Variants in SETD1A observed in about 807,000 individuals in gnomAD.
The protein encoded by SETD1A is histone-lysine N-methyltransferase SETD1A.
In SETD1A, 29 loss-of-function variants were observed where a neutral mutation model predicts 149.9. The ratio of observed to expected loss-of-function variants is 0.19; its 90% CI spans 0.14 to 0.26. The LOEUF is 0.26. SETD1A is among the 10% of genes least tolerant of loss of function. SETD1A has a pLI of 1.00. For missense variants in SETD1A, 2,109 were observed against 2,353.1 expected, an observed-to-expected ratio of 0.90 and a Z score of 2.15; for synonymous variants, 1,141 against 968.5, an observed-to-expected ratio of 1.18 and a Z score of -3.31.
chr16:30,968,662 G>A (rs565506765), intron 10 of SETD1A, among the ~76,000 whole-genome samples: 123 of 151,920 alleles, frequency 8.1e-4, no homozygotes, highest in African/African-American at 2.8e-3. Flanking sequence ...TTAGCCAGGC[G>A]TGGTGGCGGG....
chr16:30,961,103 A>G lies in SETD1A; in HGVS notation c.247-164A>G, dbSNP rs926090048. Among the ~76,000 whole-genome samples, 2 of 152,040 alleles carry G rather than the reference A, an allele frequency of 1.3e-5. No individual in the cohort carries two copies. The highest frequency in any genetic ancestry group is 2.9e-5 in the Non-Finnish European group (2 of 68,012). On this transcript the variant is annotated intron_variant, in intron 3 of 18. Transcript: ENST00000262519. This position sits in a 1 kb window ranked among gnomAD's most constrained non-coding sequence, Gnocchi z 4.0. The stretch of plus-strand genomic sequence containing the variant: ...ATTCTGTGGTGAGAAGAATTCAGGG[A>G]AAAGGGGTCAGGTCTGATGGATCCC...
chr16:30,981,488 C>T (rs1389843568), intron 17 of SETD1A, among the ~76,000 whole-genome samples: 1 of 152,210 alleles, frequency 6.6e-6, no homozygotes, highest in Non-Finnish European at 1.5e-5. Context: ...GATTCTCCTG[C>T]CTCAGCCTCC....
chr16:30,963,563 T>C lies in SETD1A; in HGVS notation c.639+9T>C. ...GTGCAGCCACTGAGACGGTGAGAAG[T>C]TTGTGGCTACCACAGCCCCTAGCCA... On this transcript the variant is annotated intron_variant, in intron 5 of 18. Coordinates refer to ENST00000262519, the MANE Select transcript of SETD1A (RefSeq NM_014712.3). 6.2e-7 allele frequency: 1 copy of C among 1,609,142 alleles called. No individual in the cohort carries two copies. The highest frequency in any genetic ancestry group is 8.5e-7 in the Non-Finnish European group (1 of 1,177,740).
In SETD1A at chr16:30,980,954, T is replaced by TG; in HGVS notation, c.4693-101dup. Reference sequence around the variant, plus strand: ...CTCCTGTGGTTCCCTCGGGTGGAGTTGGGGGGTAAGCAGCCAGAACACCCT... The same window carrying TG: ...CTCCTGTGGTTCCCTCGGGTGGAGTTGGGGGGGTAAGCAGCCAGAACACCCT... On this transcript the variant is annotated intron_variant, in intron 16 of 18. Coordinates refer to ENST00000262519, the MANE Select transcript of SETD1A (RefSeq NM_014712.3). This position sits in a 1 kb window ranked among gnomAD's most constrained non-coding sequence, Gnocchi z 7.7. The TG allele has an allele frequency of 8.9e-6, 14 of 1,575,114 alleles. 1 individual carries two copies. The South Asian group carries it at 1.2e-4, about 13-fold the overall frequency.
intron 12 of SETD1A, 99 bp downstream of exon 12, chr16:30,969,788 G>C: frequency 4.2e-6 from 4 of 947,642 alleles, no homozygotes; most frequent in Non-Finnish European, 6.9e-6. Context: ...TGCTGGGCTT[G>C]TGGGTCACCT....
At chr16:30,958,976 G>C (rs1024106560) in intron 2 of SETD1A, 95 bp downstream of exon 2, 5 of 1,529,894 alleles carry the variant, frequency 3.3e-6, no homozygotes, top group Non-Finnish European at 4.5e-6. Flanking sequence ...CTGCCTTCTT[G>C]AAAGTGGGCA....
intron 13 of SETD1A, among the ~76,000 whole-genome samples, chr16:30,974,383 AGG>A (rs2056259538): frequency 6.6e-6 from 1 of 152,076 alleles, no homozygotes; most frequent in Non-Finnish European, 1.5e-5. Context: ...CTATAGACCC[AGG>A]TAGGCGAGTG....
chr16:30,972,539 G>C (rs370278146), intron 13 of SETD1A, among the ~76,000 whole-genome samples: 1 of 151,970 alleles, frequency 6.6e-6, no homozygotes, highest in Non-Finnish European at 1.5e-5. Flanking sequence ...TCAGGAGGCT[G>C]AGGCAGGAGA....
In SETD1A at chr16:30,981,047, C is replaced by CT. The variant is rs771315448; in HGVS notation, c.4693-12dup. 6 of 1,613,908 alleles carry CT rather than the reference C, an allele frequency of 3.7e-6. No homozygotes were observed. In the South Asian group the frequency reaches 6.6e-5, roughly 18 times the overall value. ...GGAGGTGTCTGGCAGTTGAGTCTCCCTTCTGCCCCCCAGTTCCGGAAGAAG... is the reference window on the plus strand; with the variant it reads ...GGAGGTGTCTGGCAGTTGAGTCTCCCTTTCTGCCCCCCAGTTCCGGAAGAAG... On this transcript the variant is annotated splice_polypyrimidine_tract_variant and intron_variant, in intron 16 of 18. Transcript: ENST00000262519.
rs2056332764 is a variant in SETD1A at position 30,979,414 on chromosome 16, C to T, written c.3628C>T (p.Leu1210=). The T allele has an allele frequency of 6.2e-7, 1 of 1,611,248 alleles. No individual in the cohort carries two copies. The highest frequency in any genetic ancestry group is 2.2e-5 in the East Asian group (1 of 44,772). ...PRGVERTIRN[L]PLDHASLVKS... ...GGGCGTGGAGCGGACCATCCGCAAC[C>T]TGCCCCTGGACCACGCATCTCTGGT... Residue 1210 remains leucine (L), a synonymous_variant, in exon 14 of 19, where the codon CTG becomes TTG. Transcript: ENST00000262519.
Position 30,964,239 on chromosome 16 carries a change from A to G in SETD1A, c.785A>G (p.Gln262Arg). 1 of 1,614,008 alleles carries G rather than the reference A, an allele frequency of 6.2e-7. No individual in the cohort carries two copies. The highest frequency in any genetic ancestry group is 8.5e-7 in the Non-Finnish European group (1 of 1,179,990). ...SRQDTPSSFG[Q>R]FTPQSSQGTP... The stretch of plus-strand genomic sequence containing the variant: ...CAAGATACCCCATCTTCCTTTGGCC[A>G]GTTCACACCTCAGTCCTCCCAAGGA... The change falls in exon 6 of 19, where the codon CAG becomes CGG. Residue 262 changes from glutamine (Q) to arginine (R), a missense_variant. By Grantham distance (43) the Gln-to-Arg change is conservative. Transcript: ENST00000262519.
rs2056402358 is a variant in SETD1A, at chr16:30,983,117, T to A, written c.4813-518T>A. 6.6e-6 allele frequency among the ~76,000 whole-genome samples: 1 copy of A among 151,986 alleles called. No individual in the cohort carries two copies. Among genetic ancestry groups the A allele is most frequent in the Non-Finnish European group, 1.5e-5 (1 of 67,974 alleles). On this transcript the variant is annotated intron_variant, in intron 17 of 18. Transcript: ENST00000262519. The surrounding 1 kb of genome is among the most constrained non-coding windows in gnomAD (Gnocchi z 6.8). ...GGAGTGAGGTCACCCGAGGAGGGCG[T>A]GCAGAGGCTCCTCACTGTCTTCTGG...
chr16:30,982,580 C>T (rs907228109), intron 17 of SETD1A, among the ~76,000 whole-genome samples: 36 of 151,564 alleles, frequency 2.4e-4, no homozygotes, highest in South Asian at 1.5e-3. Context: ...CCAGACCGCA[C>T]GGGCTTGGGA....
chr16:30,982,511 A>AG (rs2056392121), intron 17 of SETD1A, among the ~76,000 whole-genome samples: 1 of 151,884 alleles, frequency 6.6e-6, no homozygotes, highest in African/African-American at 2.4e-5. Flanking sequence ...AAAAAAAAAA[A>AG]AAAGAAAAGA....
chr16:30,964,927 C>A lies in SETD1A; in HGVS notation c.1185C>A (p.Ala395=). The A allele has an allele frequency of 6.2e-7, 1 of 1,614,074 alleles. No homozygotes were observed. The highest frequency in any genetic ancestry group is 1.7e-5 in the Admixed American group (1 of 60,026). Reference sequence around the variant, plus strand: ...CCACACGGGAGGAACCCCCTGGAGCCCCTTTTGCTGAAAATACAGCTGAGC... The same window carrying A: ...CCACACGGGAGGAACCCCCTGGAGCACCTTTTGCTGAAAATACAGCTGAGC... ...RRATREEPPG[A]PFAENTAERF... is the part of the protein sequence containing the mutation. The change falls in exon 7 of 19, where the codon GCC becomes GCA. Residue 395 remains alanine, a synonymous_variant. Coordinates refer to ENST00000262519, the MANE Select transcript of SETD1A (RefSeq NM_014712.3).
Position 30,969,349 on chromosome 16 carries a change from A to C in SETD1A, c.2815A>C (p.Thr939Pro), listed in dbSNP as rs1460638830. Residue 939 changes from threonine (T) to proline (P), a missense_variant, in exon 11 of 19, where the codon ACC becomes CCC. Thr to Pro is a conservative substitution (Grantham distance 38). This residue lies in a region of SETD1A where 832 missense variants were observed against 815.6 expected (regional missense o/e 1.02). Coordinates refer to ENST00000262519, the MANE Select transcript of SETD1A (RefSeq NM_014712.3). ...KEAGEPGRPG[T>P]KPPKRDEERG... ...GGCTGGAGAGCCAGGACGTCCGGGG[A>C]CCAAGCCCCCGAAGCGGGACGAAGA... 1.2e-6 allele frequency: 2 copies of C among 1,614,040 alleles called. No individual in the cohort carries two copies. The highest frequency in any genetic ancestry group is 1.7e-6 in the Non-Finnish European group (2 of 1,180,008).
In SETD1A at chr16:30,980,396, G is replaced by T. The variant is rs1316489751; in HGVS notation, c.4409-89G>T. The T allele has an allele frequency of 2.0e-6, 3 of 1,507,178 alleles. No homozygotes were observed. The highest frequency in any genetic ancestry group is 1.4e-5 in the African/African-American group (1 of 71,846). The allele number at this position is 1,507,178 out of a possible 1,614,324, so 93.4% of individuals were successfully genotyped here. On this transcript the variant is annotated intron_variant, in intron 14 of 18. Transcript: ENST00000262519. The surrounding 1 kb of genome is among the most constrained non-coding windows in gnomAD (Gnocchi z 7.7). ...GCTTCCTCCCCTGTCCCTCACCTGG[G>T]TATGCTCAGCGGCGTGGGCCCCGCC...
chr16:30,964,562 GT>G, intron 6 of SETD1A, 49 bp from the exon 7 acceptor site: 2 of 1,582,064 alleles, frequency 1.3e-6, no homozygotes, highest in South Asian at 1.2e-5. Flanking sequence ...GTACGCTGTG[GT>G]TTGGTCATAG....
At chr16:30,978,110 C>T (rs893935532) in intron 13 of SETD1A, among the ~76,000 whole-genome samples, 1 of 152,150 alleles carries the variant, frequency 6.6e-6, no homozygotes, top group East Asian at 1.9e-4. Flanking sequence ...CCTGCTTCTA[C>T]TAAAAATACA....
Sources: allele counts gnomAD v4.1 joint callset (sites outside exome capture counted in the v4.1 genomes callset), GRCh38; gene constraint gnomAD v4.1.1; regional missense constraint gnomAD v4.1.1; non-coding constraint Gnocchi (gnomAD v3.1); transcripts MANE v1.5; gene names NCBI Gene and HGNC (gene_info 2026-07-23, HGNC 2026-07-21).